The following ANKRD11 variants were observed in gnomAD, a reference collection of about 807,000 sequenced individuals.
ANKRD11 encodes the protein ankyrin repeat domain 11.
In ANKRD11, 17 loss-of-function variants were observed where a neutral mutation model predicts 195.7. The observed-to-expected ratio is 0.09, with a 90% CI of 0.06 to 0.13. The LOEUF is 0.13. Among genes scored for constraint, ANKRD11 ranks in the 10% least tolerant of loss-of-function variants. The pLI is 1.00. For synonymous variants in ANKRD11, 1,953 were observed against 1,528.1 expected, an observed-to-expected ratio of 1.28 and a Z score of -6.49; for missense variants, 3,735 against 3,566.1, an observed-to-expected ratio of 1.05 and a Z score of -1.21.
At chr16:89,353,573 G>A (rs915582804) in intron 2 of ANKRD11, among the ~76,000 whole-genome samples, 4 of 151,810 alleles carry the variant, frequency 2.6e-5, no homozygotes, top group Non-Finnish European at 4.4e-5. Context: ...CGCCTTCCGG[G>A]TTCAAGCAAT....
At chr16:89,424,508 T>C (rs1027555049) in intron 1 of ANKRD11, among the ~76,000 whole-genome samples, 1 of 151,532 alleles carries the variant, frequency 6.6e-6, no homozygotes, top group Non-Finnish European at 1.5e-5. Context: ...CCAAGCCCAG[T>C]CTTTGGGTGT....
At chr16:89,382,657 C>A (rs188545953) in intron 2 of ANKRD11, among the ~76,000 whole-genome samples, 25 of 152,050 alleles carry the variant, frequency 1.6e-4, no homozygotes, top group African/African-American at 4.8e-4. Flanking sequence ...CAATTCCCCC[C>A]CTCCAGTAGA....
At chr16:89,483,114 T>C (rs957182439) in intron 1 of ANKRD11, among the ~76,000 whole-genome samples, 2 of 152,166 alleles carry the variant, frequency 1.3e-5, no homozygotes, top group African/African-American at 4.8e-5. Flanking sequence ...CTGTTCTCTG[T>C]CTCCCTTCCA....
At position 89,284,377 on chromosome 16, in the gene ANKRD11, T is replaced by C. The variant is rs1226692129; in HGVS notation, c.2165A>G (p.Lys722Arg). 5.0e-6 allele frequency: 8 copies of C among 1,613,910 alleles called. No individual in the cohort carries two copies. Among genetic ancestry groups the C allele is most frequent in the Non-Finnish European group, 5.9e-6 (7 of 1,180,012 alleles). ...FKDEKSLKRI[K>R]DTNKDISRSF... is the part of the protein sequence containing the mutation. The stretch of plus-strand genomic sequence containing the variant: ...CCTGCTGATGTCTTTGTTTGTGTCT[T>C]TGATTCTCTTCAGTGATTTTTCATC... The change falls in exon 9 of 13, where the codon AAA becomes AGA. Residue 722 changes from lysine to arginine, a missense_variant. Physicochemically the swap from Lys to Arg is conservative, Grantham distance 26 (BLOSUM62 2). Coordinates refer to ENST00000301030, the MANE Select transcript of ANKRD11 (RefSeq NM_013275.6).
At chr16:89,441,683 C>T (rs927694216) in intron 1 of ANKRD11, among the ~76,000 whole-genome samples, 14 of 142,922 alleles carry the variant, frequency 9.8e-5, no homozygotes, top group African/African-American at 1.6e-4. Context: ...AGGAGAATGG[C>T]ATGAACCCAG....
intron 1 of ANKRD11, among the ~76,000 whole-genome samples, chr16:89,449,512 G>A (rs939722367): frequency 5.3e-5 from 8 of 152,100 alleles, no homozygotes; most frequent in Non-Finnish European, 1.0e-4. Context: ...GGGGTGTGCA[G>A]GCCGGGCGTG....
At chr16:89,375,121 C>T (rs893115581) in intron 2 of ANKRD11, among the ~76,000 whole-genome samples, 4 of 152,118 alleles carry the variant, frequency 2.6e-5, no homozygotes, top group Middle Eastern at 6.8e-3. Flanking sequence ...GAAGTGTATA[C>T]AACTCAGTGC....
At chr16:89,304,589 TACACACACGGGC>T (rs978323186) in intron 4 of ANKRD11, among the ~76,000 whole-genome samples, 70 of 129,134 alleles carry the variant, frequency 5.4e-4, no homozygotes, top group African/African-American at 1.9e-3. Context: ...TACAAGTACA[TACACACACGGGC>T]ACACACACGG....
chr16:89,339,099 T>A (rs1031348707), intron 2 of ANKRD11, among the ~76,000 whole-genome samples: 1 of 152,146 alleles, frequency 6.6e-6, no homozygotes, highest in Non-Finnish European at 1.5e-5. Context: ...TGGGTGAGCG[T>A]TGCACCCCCA....
At chr16:89,353,928 G>A (rs1201569898) in intron 2 of ANKRD11, among the ~76,000 whole-genome samples, 1 of 152,244 alleles carries the variant, frequency 6.6e-6, no homozygotes, top group Non-Finnish European at 1.5e-5. Context: ...CTGCCACAGG[G>A]TGAGGGGCGG....
At position 89,282,043 on chromosome 16, in the gene ANKRD11, T is replaced by TGCTCGTCCCTGTGATGCCGCAGGA. The variant is rs534329317; in HGVS notation, c.4475_4498dup (p.Leu1492_Glu1499dup). The stretch of plus-strand genomic sequence containing the variant: ...GTCCTTGTCCCTGGTGGCGGGCTTC[T>TGCTCGTCCCTGTGATGCCGCAGGA]GCTCGTCCCTGTGATGCCGCAGGAG... On this transcript the variant is annotated inframe_insertion, in exon 9 of 13. Transcript: ENST00000301030. The TGCTCGTCCCTGTGATGCCGCAGGA allele has an allele frequency of 4.1e-5, 66 of 1,613,600 alleles. No individual in the cohort carries two copies. Among genetic ancestry groups the TGCTCGTCCCTGTGATGCCGCAGGA allele is most frequent in the South Asian group, 9.9e-5 (9 of 91,078 alleles).
At chr16:89,278,433 G>A in intron 9 of ANKRD11, 1 of 431,968 alleles carries the variant, frequency 2.3e-6, no homozygotes, top group Admixed American at 2.4e-5. Flanking sequence ...TTTGGGCCCA[G>A]ACGTAGCGCA....
At chr16:89,271,222 C>A in intron 11 of ANKRD11, 1 of 443,608 alleles carries the variant, frequency 2.3e-6, no homozygotes, top group Non-Finnish European at 4.2e-6. Flanking sequence ...AGCCCACTGC[C>A]AACTCCTGGG....
intron 2 of ANKRD11, among the ~76,000 whole-genome samples, chr16:89,369,535 G>A (rs992809964): frequency 6.6e-6 from 1 of 152,220 alleles, no homozygotes; most frequent in Non-Finnish European, 1.5e-5. Context: ...TCACATGAAC[G>A]TCTGGAATAG....
chr16:89,270,354 C>T (rs552490461), intron 12 of ANKRD11: 5 of 265,764 alleles, frequency 1.9e-5, no homozygotes, highest in Non-Finnish European at 3.7e-5. Context: ...GGCAAGTTTC[C>T]GCCTTCCGTT....
chr16:89,394,077 A>G (rs985002941), intron 2 of ANKRD11, among the ~76,000 whole-genome samples: 3 of 152,100 alleles, frequency 2.0e-5, no homozygotes, highest in Admixed American at 1.3e-4. Context: ...CCGCCTCCCT[A>G]GCCCTCCTGG....
chr16:89,307,380 T>C (rs1457308790), intron 3 of ANKRD11, among the ~76,000 whole-genome samples: 1 of 152,138 alleles, frequency 6.6e-6, no homozygotes, highest in African/African-American at 2.4e-5. Flanking sequence ...ACCTGACAGT[T>C]AATCTGAGAC....
At chr16:89,381,814 T>C (rs1016530247) in intron 2 of ANKRD11, among the ~76,000 whole-genome samples, 1 of 152,032 alleles carries the variant, frequency 6.6e-6, no homozygotes, top group Non-Finnish European at 1.5e-5. Context: ...CCCACGCGAA[T>C]GGGGGGAAGA....
chr16:89,356,036 G>A (rs980157249), intron 2 of ANKRD11, among the ~76,000 whole-genome samples: 1 of 152,182 alleles, frequency 6.6e-6, no homozygotes, highest in Non-Finnish European at 1.5e-5. Context: ...AGCCCAGATA[G>A]CGCCCCTGCA....
Sources: allele counts gnomAD v4.1 joint callset (sites outside exome capture counted in the v4.1 genomes callset), GRCh38; gene constraint gnomAD v4.1.1; transcripts MANE v1.5; gene names NCBI Gene and HGNC (gene_info 2026-07-23, HGNC 2026-07-21).